Variants in ITGAM observed in about 807,000 individuals in gnomAD.
The protein encoded by ITGAM is integrin alpha-M.
In ITGAM, 79 loss-of-function variants were observed where a neutral mutation model predicts 137.5. The ratio of observed to expected loss-of-function variants is 0.57; its 90% CI spans 0.48 to 0.69. ITGAM has a LOEUF of 0.69. Among genes scored for constraint, ITGAM ranks in the 30% least tolerant of loss-of-function variants. The pLI, the probability that ITGAM is intolerant of heterozygous loss-of-function variation, is 0.00. For synonymous variants in ITGAM, 583 were observed against 592.3 expected (o/e 0.98, Z 0.23); for missense variants, 1,343 against 1,483.5 (o/e 0.91, Z 1.56).
chr16:31,263,625 C>G (rs1596965765), intron 2 of ITGAM, among the ~76,000 whole-genome samples: 1 of 146,124 alleles, frequency 6.8e-6, no homozygotes. Context: ...GAGGCATTTT[C>G]TGTGAACATG....
chr16:31,276,623 T>C lies in ITGAM; in HGVS notation c.1010-48T>C, dbSNP rs938458378. ...TTGGGATTACAGGCGTGAGCCACCA[T>C]GCCCGGCCTTCTGCTTTCTTTAATA... On this transcript the variant is annotated intron_variant, in intron 9 of 29. Coordinates refer to ENST00000544665, the MANE Select transcript of ITGAM (RefSeq NM_000632.4). 4 of 1,400,232 alleles carry C rather than the reference T, an allele frequency of 2.9e-6. No homozygotes were observed. In the African/African-American group the frequency reaches 4.3e-5, roughly 15 times the overall value. The allele number at this position is 1,400,232 out of a possible 1,614,324, so 86.7% of individuals were successfully genotyped here. A position where few individuals can be genotyped will look rare whatever the true frequency, so the allele number is the denominator to read the frequency against.
chr16:31,260,445 T>A (rs2079686789), intron 1 of ITGAM, among the ~76,000 whole-genome samples: 1 of 152,154 alleles, frequency 6.6e-6, no homozygotes, highest in Non-Finnish European at 1.5e-5. Context: ...TCTCACCATC[T>A]CCACTTTGCC....
At chr16:31,318,783 C>G (rs2080418636) in intron 14 of ITGAM, among the ~76,000 whole-genome samples, 1 of 151,552 alleles carries the variant, frequency 6.6e-6, no homozygotes, top group South Asian at 2.1e-4. Context: ...TCTTTTATTT[C>G]TCATTTCTTG....
At chr16:31,295,624 ATATATATATGTTTT>A (rs1567263689) in intron 12 of ITGAM, among the ~76,000 whole-genome samples, 2 of 150,058 alleles carry the variant, frequency 1.3e-5, no homozygotes, top group African/African-American at 4.9e-5. Flanking sequence ...AAATATATTT[ATATATATATGTTTT>A]TATATATATA....
At chr16:31,322,416 G>T (rs567518861) in intron 16 of ITGAM, among the ~76,000 whole-genome samples, 2 of 152,302 alleles carry the variant, frequency 1.3e-5, no homozygotes, top group South Asian at 2.1e-4. Context: ...TGAAGAAGAG[G>T]TACCCTTAAA....
chr16:31,329,664 G>A, intron 24 of ITGAM, 134 bp from the exon 25 acceptor site: 1 of 694,036 alleles, frequency 1.4e-6, no homozygotes, highest in Non-Finnish European at 2.5e-6. Context: ...CGTATTACAT[G>A]TACACTCTAC....
Position 31,325,258 on chromosome 16 carries a change from CA to C in ITGAM, c.2364-4del. 6.2e-7 allele frequency: 1 copy of C among 1,608,114 alleles called. No individual in the cohort carries two copies. The highest frequency in any genetic ancestry group is 8.5e-7 in the Non-Finnish European group (1 of 1,177,078). On this transcript the variant is annotated splice_polypyrimidine_tract_variant and splice_region_variant and intron_variant, in intron 19 of 29. Coordinates refer to ENST00000544665, the MANE Select transcript of ITGAM (RefSeq NM_000632.4). ...ATCCCCCGGCCTGTCTTCTTCTTCC[CA>C]CAGCCTGGACTGCCTCGTGGTGGGT... is the stretch of plus-strand genomic sequence containing the variant.
chr16:31,308,407 T>C (rs967470450), intron 14 of ITGAM, among the ~76,000 whole-genome samples: 9 of 152,198 alleles, frequency 5.9e-5, no homozygotes, highest in Non-Finnish European at 8.8e-5. Context: ...AATTTATCCA[T>C]TTCTTCTAGA....
chr16:31,277,699 G>A (rs2079923837), intron 11 of ITGAM, among the ~76,000 whole-genome samples: 10 of 151,994 alleles, frequency 6.6e-5, no homozygotes, highest in Admixed American at 5.9e-4. Context: ...CACCATGTTG[G>A]CCAGGCTCGT....
At chr16:31,262,417 C>T (rs906508102) in intron 2 of ITGAM, among the ~76,000 whole-genome samples, 6 of 141,850 alleles carry the variant, frequency 4.2e-5, no homozygotes, top group African/African-American at 1.6e-4. Context: ...TCTTTCTTTC[C>T]TTTCTGACAT....
chr16:31,331,569 C>T, intron 29 of ITGAM, 67 bp from the exon 30 acceptor site: 2 of 1,143,946 alleles, frequency 1.7e-6, no homozygotes, highest in Non-Finnish European at 2.6e-6. Context: ...CCGCCCCCTC[C>T]CCCTGGTCTG....
chr16:31,262,287 C>T (rs1409135040), intron 2 of ITGAM, among the ~76,000 whole-genome samples: 3 of 149,752 alleles, frequency 2.0e-5, no homozygotes, highest in Non-Finnish European at 4.5e-5. Flanking sequence ...TCCTCCCTCT[C>T]TCATTCCCTG....
chr16:31,308,403 T>C (rs1336222287), intron 14 of ITGAM, among the ~76,000 whole-genome samples: 1 of 152,216 alleles, frequency 6.6e-6, no homozygotes, highest in Non-Finnish European at 1.5e-5. Context: ...GAGGAATTTA[T>C]CCATTTCTTC....
chr16:31,324,969 G>A lies in ITGAM; in HGVS notation c.2301G>A (p.Glu767=). 6.2e-7 allele frequency: 1 copy of A among 1,611,638 alleles called. No homozygotes were observed. The highest frequency in any genetic ancestry group is 8.5e-7 in the Non-Finnish European group (1 of 1,179,008). ...TTATTTTTTAAAAGTTTCCCTTTGA[G>A]AAGAATTGTGGCAATGACAACATCT... ...QRLFTALFPF[E]KNCGNDNICQ... Residue 767 remains glutamate (E), a synonymous_variant, in exon 19 of 30, where the codon GAG becomes GAA. Coordinates refer to ENST00000544665, the MANE Select transcript of ITGAM (RefSeq NM_000632.4). The surrounding 1 kb of genome is among the most constrained non-coding windows in gnomAD (Gnocchi z 4.5).
chr16:31,263,460 T>A (rs1234089862), intron 2 of ITGAM, among the ~76,000 whole-genome samples: 1 of 152,198 alleles, frequency 6.6e-6, no homozygotes, highest in East Asian at 1.9e-4. Flanking sequence ...CAATTTACAC[T>A]CACACCAGAA....
chr16:31,268,759 C>G (rs1318640800), intron 5 of ITGAM, among the ~76,000 whole-genome samples: 2 of 152,144 alleles, frequency 1.3e-5, no homozygotes, highest in Admixed American at 6.6e-5. Flanking sequence ...TCTCCATCGC[C>G]GTCACATACG....
In ITGAM at chr16:31,297,864, C is replaced by T. The variant is rs1158581869; in HGVS notation, c.1617C>T (p.Ala539=). ...ATGGGGACAAGCTGACGGACGTGGC[C>T]ATTGGGGCCCCAGGAGAGGAGGACA... ...DVNGDKLTDV[A]IGAPGEEDNR... is the part of the protein sequence containing the mutation. Residue 539 remains alanine (A), a synonymous_variant, in exon 14 of 30, where the codon GCC becomes GCT. Transcript: ENST00000544665. 1.9e-6 allele frequency: 3 copies of T among 1,613,764 alleles called. No homozygotes were observed. The highest frequency in any genetic ancestry group is 2.7e-5 in the African/African-American group (2 of 74,846).
intron 12 of ITGAM, among the ~76,000 whole-genome samples, chr16:31,288,692 G>A (rs1424171241): frequency 1.3e-5 from 2 of 152,220 alleles, no homozygotes; most frequent in Non-Finnish European, 2.9e-5. Context: ...CAGGACATAA[G>A]CATGGTCAAG....
rs547963385 is a variant in ITGAM, at chr16:31,324,465, T to C, written c.2069T>C (p.Val690Ala). ...LDSGRPHSRA[V>A]FNETKNSTRR... ...TCCGGCCGCCCACATTCCCGCGCCG[T>C]CTTCAATGAGACAAAGAACAGCACA... The change falls in exon 17 of 30, where the codon GTC becomes GCC. Residue 690 changes from valine to alanine, a missense_variant. By Grantham distance (64) the Val-to-Ala change is moderately conservative. Coordinates refer to ENST00000544665, the MANE Select transcript of ITGAM (RefSeq NM_000632.4). The surrounding 1 kb of genome is among the most constrained non-coding windows in gnomAD (Gnocchi z 4.5). 36 of 1,573,300 alleles carry C rather than the reference T, an allele frequency of 2.3e-5. No individual in the cohort carries two copies. The highest frequency in any genetic ancestry group is 2.9e-5 in the Non-Finnish European group (34 of 1,159,898).
Sources: gnomAD v4.1 joint callset for allele counts (sites outside exome capture counted in the v4.1 genomes callset) on GRCh38, gnomAD v4.1.1 for gene constraint, Gnocchi (gnomAD v3.1) non-coding constraint, MANE v1.5 for transcripts, NCBI Gene and HGNC (gene_info 2026-07-23, HGNC 2026-07-21) for gene names.